TCF12: variants seen among roughly 807,000 people sequenced by gnomAD.
TCF12 encodes the protein transcription factor 12, also known as DNA-binding protein HTF4.
A neutral mutation model predicts 86.0 loss-of-function variants in TCF12; 45 were observed. That is an observed-to-expected ratio of 0.52 (90% CI 0.41 to 0.67). The LOEUF (loss-of-function observed/expected upper bound fraction) is 0.67, where lower values mean the gene tolerates loss of function less well. Ranked by LOEUF, TCF12 falls within the 30% of genes least tolerant of loss-of-function variation. The pLI is 0.00. For missense variants in TCF12, 881 were observed against 859.9 expected, an observed-to-expected ratio of 1.02 and a Z score of -0.31; for synonymous variants, 330 against 299.6, an observed-to-expected ratio of 1.10 and a Z score of -1.05.
intron 19 of TCF12, among the ~76,000 whole-genome samples, chr15:57,277,679 G>A (rs888476161): frequency 5.3e-5 from 8 of 151,538 alleles, no homozygotes; most frequent in African/African-American, 1.9e-4. Context: ...GCTTATGCCT[G>A]TAATCCCAGC....
intron 3 of TCF12, among the ~76,000 whole-genome samples, chr15:56,930,145 G>T (rs1334633740): frequency 2.6e-5 from 4 of 152,174 alleles, no homozygotes; most frequent in African/African-American, 9.6e-5. Flanking sequence ...GCTGCTGTCG[G>T]CAAGAGTTGT....
intron 5 of TCF12, among the ~76,000 whole-genome samples, chr15:57,119,537 G>T (rs1223397441): frequency 6.8e-6 from 1 of 147,170 alleles, no homozygotes; most frequent in East Asian, 2.0e-4. Flanking sequence ...AAGTATAATT[G>T]TAAACCAGCT....
At chr15:57,009,470 T>C (rs560255328) in intron 3 of TCF12, among the ~76,000 whole-genome samples, 1 of 152,308 alleles carries the variant, frequency 6.6e-6, no homozygotes, top group African/African-American at 2.4e-5. Flanking sequence ...CAGTGCCAGT[T>C]ATCTGTGAAT....
chr15:57,226,791 A>G (rs1272130255), intron 8 of TCF12, among the ~76,000 whole-genome samples: 1 of 152,154 alleles, frequency 6.6e-6, no homozygotes, highest in Non-Finnish European at 1.5e-5. Flanking sequence ...AAGGATCTAA[A>G]TCTGCCTTGT....
intron 3 of TCF12, among the ~76,000 whole-genome samples, chr15:56,998,408 G>A (rs1401863086): frequency 7.0e-6 from 1 of 142,266 alleles, no homozygotes; most frequent in Non-Finnish European, 1.5e-5. Context: ...AGTGAGCCAA[G>A]ATTGTGCCAC....
intron 3 of TCF12, among the ~76,000 whole-genome samples, chr15:57,050,696 A>G (rs1371092007): frequency 6.6e-6 from 1 of 152,140 alleles, no homozygotes; most frequent in African/African-American, 2.4e-5. Flanking sequence ...AGCTGAAACT[A>G]TTAATTTTTT....
chr15:57,104,861 G>GTTTTTTTTTTTTTTT lies in TCF12; in HGVS notation c.325+12980_325+12994dup, dbSNP rs11336613. Among the ~76,000 whole-genome samples the GTTTTTTTTTTTTTTT allele has an allele frequency of 1.1e-4, 8 of 71,450 alleles. 1 individual carries two copies. Among genetic ancestry groups the GTTTTTTTTTTTTTTT allele is most frequent in the Admixed American group, 2.1e-4 (1 of 4,744 alleles). 46.9% of individuals were successfully genotyped at this position (71,450 alleles called of 152,430 possible). On this transcript the variant is annotated intron_variant, in intron 5 of 20. Coordinates refer to ENST00000333725, the MANE Select transcript of TCF12 (RefSeq NM_207037.2). ...ATCTATCTTGCTGGTCTTTGGTGGTGTTTTTTTTTTTTTTTTTTTTTTTTG... is the reference window on the plus strand; with the variant it reads ...ATCTATCTTGCTGGTCTTTGGTGGTGTTTTTTTTTTTTTTTTTTTTTTTTTTTTTTTTTTTTTTTG...
intron 3 of TCF12, among the ~76,000 whole-genome samples, chr15:56,933,447 T>G (rs2060333103): frequency 6.6e-6 from 1 of 152,104 alleles, no homozygotes; most frequent in South Asian, 2.1e-4. Context: ...GAATGGTTTG[T>G]TTAAGGTAGT....
intron 3 of TCF12, among the ~76,000 whole-genome samples, chr15:57,030,866 T>C (rs1394700254): frequency 2.0e-5 from 3 of 152,262 alleles, no homozygotes; most frequent in Admixed American, 1.3e-4. Flanking sequence ...AGAAGTGAGT[T>C]ACTGTAGTGG....
rs528926417 is a variant in TCF12, at chr15:56,947,384, C to T, written c.148+26286C>T. On this transcript the variant is annotated intron_variant, in intron 3 of 20. Coordinates refer to ENST00000333725, the MANE Select transcript of TCF12 (RefSeq NM_207037.2). Reference sequence around the variant, plus strand: ...TTTCTGGAGATCCTTCTCTGCGTAGCTTCCTCCTCTAGACCTCTGCTGTGC... The same window carrying T: ...TTTCTGGAGATCCTTCTCTGCGTAGTTTCCTCCTCTAGACCTCTGCTGTGC... 6.6e-5 allele frequency among the ~76,000 whole-genome samples: 10 copies of T among 152,282 alleles called. No individual in the cohort carries two copies. In the South Asian group the frequency reaches 2.1e-3, roughly 32 times the overall value.
intron 4 of TCF12, among the ~76,000 whole-genome samples, chr15:57,078,537 A>G (rs1458256902): frequency 2.5e-4 from 38 of 152,194 alleles, no homozygotes; most frequent in Admixed American, 2.5e-3. Flanking sequence ...TTATTCTTGC[A>G]TCCTATCATC....
intron 5 of TCF12, chr15:57,118,559 T>G (rs1395663792): frequency 6.6e-6 from 1 of 152,206 alleles, no homozygotes; most frequent in Non-Finnish European, 1.5e-5. Flanking sequence ...ACAGAAACCT[T>G]CTGAACTTGC....
intron 3 of TCF12, among the ~76,000 whole-genome samples, chr15:57,029,846 G>C (rs2066042370): frequency 6.6e-6 from 1 of 152,160 alleles, no homozygotes; most frequent in African/African-American, 2.4e-5. Flanking sequence ...GTAATGTTTT[G>C]ACACTGGCTT....
intron 20 of TCF12, among the ~76,000 whole-genome samples, chr15:57,284,541 C>A (rs973370274): frequency 1.3e-5 from 2 of 152,194 alleles, no homozygotes; most frequent in African/African-American, 2.4e-5. Flanking sequence ...TAAAATAAAA[C>A]CATGCCACTA....
Position 56,960,134 on chromosome 15 carries a change from G to C in TCF12, c.148+39036G>C, listed in dbSNP as rs531598459. ...CAAATAAGTAATTTATTTGTATTCT[G>C]ACTTAGCTCCCAAATAATTTGAATT... On this transcript the variant is annotated intron_variant, in intron 3 of 20. Coordinates refer to ENST00000333725, the MANE Select transcript of TCF12 (RefSeq NM_207037.2). Among the ~76,000 whole-genome samples, 12 of 152,246 alleles carry C rather than the reference G, an allele frequency of 7.9e-5. 1 individual carries two copies. The highest frequency in any genetic ancestry group is 2.9e-4 in the African/African-American group (12 of 41,534).
intron 3 of TCF12, among the ~76,000 whole-genome samples, chr15:56,950,860 G>T (rs1187339827): frequency 2.1e-5 from 3 of 145,814 alleles, no homozygotes; most frequent in African/African-American, 5.1e-5. Flanking sequence ...AGGTTCAAGC[G>T]ATTCTCGTGC....
intron 12 of TCF12, among the ~76,000 whole-genome samples, chr15:57,238,601 A>G (rs983620308): frequency 2.0e-5 from 3 of 152,320 alleles, no homozygotes; most frequent in African/African-American, 7.2e-5. Context: ...GCTGACCCAC[A>G]TTGTATAAAT....
intron 5 of TCF12, among the ~76,000 whole-genome samples, chr15:57,156,903 G>A (rs553546459): frequency 2.0e-5 from 3 of 152,182 alleles, no homozygotes; most frequent in Non-Finnish European, 2.9e-5. Context: ...TTTCTTAGAC[G>A]AGCATTGATA....
intron 12 of TCF12, among the ~76,000 whole-genome samples, chr15:57,236,889 G>T (rs1243266782): frequency 6.6e-6 from 1 of 151,808 alleles, no homozygotes; most frequent in Non-Finnish European, 1.5e-5. Flanking sequence ...AGGAAAATCT[G>T]GGTATTCGTG....
Sources: gnomAD v4.1 joint callset for allele counts (sites outside exome capture counted in the v4.1 genomes callset) on GRCh38, gnomAD v4.1.1 for gene constraint, MANE v1.5 for transcripts, NCBI Gene and HGNC (gene_info 2026-07-23, HGNC 2026-07-21) for gene names.